Variants in PRRX1 observed in about 807,000 individuals in gnomAD.
PRRX1 encodes paired mesoderm homeobox protein 1.
PRRX1 carries 8 observed loss-of-function variants against 24.0 expected under a neutral mutation model. That is an observed-to-expected ratio of 0.33 (90% CI 0.20 to 0.60). PRRX1 has a LOEUF of 0.60. PRRX1 is among the 20% of genes least tolerant of loss of function. PRRX1 has a pLI of 0.82. For synonymous variants in PRRX1, 160 were observed against 131.7 expected (o/e 1.22, Z -1.47); for missense variants, 281 against 322.4 (o/e 0.87, Z 0.98).
intron 1 of PRRX1, among the ~76,000 whole-genome samples, chr1:170,669,886 G>A (rs1449457055): frequency 6.6e-6 from 1 of 152,198 alleles, no homozygotes; most frequent in Non-Finnish European, 1.5e-5. Context: ...GAAATCGGGA[G>A]TGTGTTTGTA....
At chr1:170,700,718 G>C (rs1396229275) in intron 1 of PRRX1, among the ~76,000 whole-genome samples, 1 of 152,156 alleles carries the variant, frequency 6.6e-6, no homozygotes, top group Non-Finnish European at 1.5e-5. Flanking sequence ...GCTACCTGGA[G>C]ACAAAACTGC....
At chr1:170,730,282 C>T (rs1655394581) in intron 3 of PRRX1, 2 of 1,609,508 alleles carry the variant, frequency 1.2e-6, no homozygotes, top group Non-Finnish European at 1.7e-6. Context: ...AATAGATCCT[C>T]GTCCCTCCCA....
In PRRX1 at chr1:170,683,873, A is replaced by G. The variant is rs183495052; in HGVS notation, c.241+19414A>G. ...GTATGCATTAATGGAGCCAAAAGTCAGAAATCAGTTAGGTCTTTTCTCCAA... is the reference window on the plus strand; with the variant it reads ...GTATGCATTAATGGAGCCAAAAGTCGGAAATCAGTTAGGTCTTTTCTCCAA... On this transcript the variant is annotated intron_variant, in intron 1 of 3. Coordinates refer to ENST00000239461, the MANE Select transcript of PRRX1 (RefSeq NM_022716.4). Among the ~76,000 whole-genome samples the G allele has an allele frequency of 2.5e-4, 38 of 152,326 alleles. No individual in the cohort carries two copies. The East Asian group carries it at 6.2e-3, about 25-fold the overall frequency.
chr1:170,691,707 C>A (rs1653986711), intron 1 of PRRX1, among the ~76,000 whole-genome samples: 1 of 151,576 alleles, frequency 6.6e-6, no homozygotes, highest in East Asian at 1.9e-4. Flanking sequence ...ACCTTTTCTC[C>A]CCTCCTCTCC....
intron 1 of PRRX1, among the ~76,000 whole-genome samples, chr1:170,705,749 T>C (rs1473250504): frequency 6.6e-6 from 1 of 152,126 alleles, no homozygotes; most frequent in Admixed American, 6.6e-5. Flanking sequence ...GTCTCAGCAG[T>C]TTTAGTGGGC....
At chr1:170,671,591 T>G (rs1181442505) in intron 1 of PRRX1, among the ~76,000 whole-genome samples, 1 of 152,254 alleles carries the variant, frequency 6.6e-6, no homozygotes, top group East Asian at 1.9e-4. Flanking sequence ...TCTGGGTTCC[T>G]GCAGGACAGA....
chr1:170,669,014 C>T (rs563487863), intron 1 of PRRX1: 1 of 152,198 alleles, frequency 6.6e-6, no homozygotes, highest in South Asian at 2.1e-4. Context: ...GAAGTAGGGG[C>T]CCGGGTTACC....
rs750913752 is a variant in PRRX1, at chr1:170,719,714, G to A, written c.242-12G>A. On this transcript the variant is annotated splice_polypyrimidine_tract_variant and intron_variant, in intron 1 of 3. Coordinates refer to ENST00000239461, the MANE Select transcript of PRRX1 (RefSeq NM_022716.4). ...GAATTTGGCTTCTTTTCATCATTGT[G>A]TTCTATTCCAGATGACCAGCTGAAC... 13 of 1,613,824 alleles carry A rather than the reference G, an allele frequency of 8.1e-6. No homozygotes were observed. The highest frequency in any genetic ancestry group is 2.7e-5 in the African/African-American group (2 of 75,072).
chr1:170,683,361 C>T lies in PRRX1; in HGVS notation c.241+18902C>T, dbSNP rs530210990. 5.3e-5 allele frequency among the ~76,000 whole-genome samples: 8 copies of T among 152,246 alleles called. No individual in the cohort carries two copies. The South Asian group carries it at 8.3e-4, about 16-fold the overall frequency. On this transcript the variant is annotated intron_variant, in intron 1 of 3. Coordinates refer to ENST00000239461, the MANE Select transcript of PRRX1 (RefSeq NM_022716.4). ...GGGCTCAGGAGGCTGACGGAGCCAG[C>T]GGAGTTTAGCAAATGAAAGAGGAAA... is the stretch of plus-strand genomic sequence containing the variant.
chr1:170,723,789 C>T (rs890636223), intron 2 of PRRX1, among the ~76,000 whole-genome samples: 6 of 152,160 alleles, frequency 3.9e-5, no homozygotes, highest in Non-Finnish European at 7.3e-5. Context: ...TAGGGTATAG[C>T]TTATTGCTCT....
At chr1:170,669,425 C>CAATAAAAAAAA (rs1653064157) in intron 1 of PRRX1, 1 of 22,298 alleles carries the variant, frequency 4.5e-5, no homozygotes, top group Non-Finnish European at 6.9e-5. Context: ...CTCCCCACTG[C>CAATAAAAAAAA]AAAAAAAAAA....
rs181413858 is a variant in PRRX1, at chr1:170,737,557, G to C, written c.*1371G>C. On this transcript the variant is annotated 3_prime_UTR_variant, in exon 4 of 4. Coordinates refer to ENST00000239461, the MANE Select transcript of PRRX1 (RefSeq NM_022716.4). ...CACTTAGCAGGAATATGAAAGAAAG[G>C]CACATGTTTAAGAGGAATACCTAAA... 3.4e-4 allele frequency: 72 copies of C among 210,710 alleles called. No homozygotes were observed. The highest frequency in any genetic ancestry group is 6.3e-4 in the Non-Finnish European group (65 of 103,710). The allele number at this position is 210,710 out of a possible 1,614,324, so 13.1% of individuals were successfully genotyped here.
At position 170,676,656 on chromosome 1, in the gene PRRX1, T is replaced by C. The variant is rs184940724; in HGVS notation, c.241+12197T>C. ...TTCTATAAAGCCAATTTTAAGAAGA[T>C]AGGGCTAATTATTTTCATTTTACAG... On this transcript the variant is annotated intron_variant, in intron 1 of 3. Coordinates refer to ENST00000239461, the MANE Select transcript of PRRX1 (RefSeq NM_022716.4). 3.5e-4 allele frequency among the ~76,000 whole-genome samples: 54 copies of C among 152,294 alleles called. No homozygotes were observed. In the East Asian group the frequency reaches 0.01, roughly 29 times the overall value.
At chr1:170,723,723 T>C (rs1655163802) in intron 2 of PRRX1, among the ~76,000 whole-genome samples, 1 of 152,214 alleles carries the variant, frequency 6.6e-6, no homozygotes, top group Non-Finnish European at 1.5e-5. Context: ...TGTGCAAACA[T>C]CATGGAGTCT....
chr1:170,730,777 G>C (rs1655409739), intron 3 of PRRX1, among the ~76,000 whole-genome samples: 1 of 152,154 alleles, frequency 6.6e-6, no homozygotes, highest in Non-Finnish European at 1.5e-5. Context: ...CCTCAGGCCA[G>C]TCAGATCATT....
chr1:170,668,760 C>T (rs746065520), intron 1 of PRRX1: 1 of 152,164 alleles, frequency 6.6e-6, no homozygotes, highest in South Asian at 2.1e-4. Context: ...TTTGCAACAA[C>T]CCTGGCGCCA....
chr1:170,712,767 G>A (rs994520764), intron 1 of PRRX1, among the ~76,000 whole-genome samples: 3 of 152,214 alleles, frequency 2.0e-5, no homozygotes, highest in Non-Finnish European at 4.4e-5. Flanking sequence ...CACACAGCTA[G>A]TCAGTGGCAG....
At chr1:170,687,907 A>G (rs1653800990) in intron 1 of PRRX1, among the ~76,000 whole-genome samples, 1 of 152,192 alleles carries the variant, frequency 6.6e-6, no homozygotes, top group Admixed American at 6.5e-5. Flanking sequence ...AAGTGGCCAA[A>G]TACTTCTACT....
intron 3 of PRRX1, chr1:170,727,543 A>ATGAAATGCTACATTTT (rs1195152078): frequency 2.0e-5 from 3 of 152,254 alleles, no homozygotes; most frequent in African/African-American, 7.2e-5. Context: ...AATTTCTGAC[A>ATGAAATGCTACATTTT]TGAAATGCTA....
Sources: gnomAD v4.1 joint callset for allele counts (sites outside exome capture counted in the v4.1 genomes callset) on GRCh38, gnomAD v4.1.1 for gene constraint, MANE v1.5 for transcripts, NCBI Gene and HGNC (gene_info 2026-07-23, HGNC 2026-07-21) for gene names.